Variants in NID1 observed in about 807,000 individuals in gnomAD.
NID1 encodes nidogen 1.
Under a neutral mutation model 130.6 loss-of-function variants are expected in NID1, and 76 were observed. The ratio of observed to expected loss-of-function variants is 0.58; its 90% CI spans 0.48 to 0.70. The LOEUF (loss-of-function observed/expected upper bound fraction) is 0.70, where lower values mean the gene tolerates loss of function less well. Among genes scored for constraint, NID1 ranks in the 30% least tolerant of loss-of-function variants. The pLI is 0.00. For synonymous variants in NID1, 665 were observed against 675.1 expected (o/e 0.98, Z 0.23); for missense variants, 1,517 against 1,664.8 (o/e 0.91, Z 1.54).
intron 1 of NID1, 56 bp downstream of exon 1, chr1:236,064,798 CG>C (rs1167025139): frequency 1.3e-6 from 2 of 1,511,892 alleles, no homozygotes; most frequent in Non-Finnish European, 1.8e-6. Flanking sequence ...GCTCCACGGG[CG>C]CCCCCGGCCC....
rs563184998 is a variant in NID1 at position 236,053,121 on chromosome 1, G to A, written c.226-4132C>T. Among the ~76,000 whole-genome samples the A allele has an allele frequency of 5.3e-5, 8 of 152,276 alleles. No individual in the cohort carries two copies. In the South Asian group the frequency reaches 1.7e-3, roughly 32 times the overall value. On this transcript the variant is annotated intron_variant, in intron 1 of 19. Transcript: ENST00000264187. ...CCCTGATTGAACCCACTACCATCAT[G>A]ACCTCCATTATTCACTGATTCATCA... is the stretch of plus-strand genomic sequence containing the variant.
rs1189264060 is a variant in NID1, at chr1:236,045,687, T to C, written c.526-4A>G. 2 of 1,600,478 alleles carry C rather than the reference T, an allele frequency of 1.2e-6. No individual in the cohort carries two copies. The highest frequency in any genetic ancestry group is 1.1e-5 in the South Asian group (1 of 88,860). ...GAACAGCCTGGAACGTGTTTCTCTG[T>C]GAAGATGAGTTAAAATTCAGTTACT... On this transcript the variant is annotated splice_polypyrimidine_tract_variant and splice_region_variant and intron_variant, in intron 2 of 19. Transcript: ENST00000264187.
intron 5 of NID1, among the ~76,000 whole-genome samples, chr1:236,037,692 A>G (rs1443761232): frequency 6.6e-6 from 1 of 152,152 alleles, no homozygotes; most frequent in Non-Finnish European, 1.5e-5. Context: ...TGAGCAACAC[A>G]ACATAAAATT....
intron 12 of NID1, among the ~76,000 whole-genome samples, chr1:235,994,532 C>G (rs1196910696): frequency 6.6e-6 from 1 of 152,132 alleles, no homozygotes; most frequent in East Asian, 1.9e-4. Flanking sequence ...CAGGTGGTAG[C>G]ATGTATTAGA....
chr1:236,025,789 A>G (rs1159068762), intron 8 of NID1, 107 bp downstream of exon 8: 2 of 1,412,462 alleles, frequency 1.4e-6, no homozygotes, highest in Non-Finnish European at 1.9e-6. Flanking sequence ...ATACTTTAGC[A>G]TAATTTTCTT....
At chr1:236,005,031 G>C (rs1463525558) in intron 12 of NID1, among the ~76,000 whole-genome samples, 4 of 151,718 alleles carry the variant, frequency 2.6e-5, no homozygotes, top group Non-Finnish European at 5.9e-5. Flanking sequence ...AAAATTAGCT[G>C]GGAATGGTGG....
chr1:235,997,089 C>T (rs1205417326), intron 12 of NID1, among the ~76,000 whole-genome samples: 1 of 152,216 alleles, frequency 6.6e-6, no homozygotes, highest in Non-Finnish European at 1.5e-5. Flanking sequence ...CCGCCTCAGC[C>T]TCCCAAAGTG....
At chr1:236,064,040 C>T (rs1660119769) in intron 1 of NID1, among the ~76,000 whole-genome samples, 1 of 152,206 alleles carries the variant, frequency 6.6e-6, no homozygotes, top group Non-Finnish European at 1.5e-5. Flanking sequence ...CAGTTCCAAC[C>T]CCCTTCCCCC....
intron 5 of NID1, among the ~76,000 whole-genome samples, chr1:236,035,860 C>T (rs973964406): frequency 6.6e-6 from 1 of 152,212 alleles, no homozygotes; most frequent in Admixed American, 6.5e-5. Flanking sequence ...AAAAGGTATC[C>T]CAAGAACAAT....
chr1:236,039,966 G>C (rs1304468530), intron 4 of NID1, among the ~76,000 whole-genome samples: 1 of 152,148 alleles, frequency 6.6e-6, no homozygotes, highest in Non-Finnish European at 1.5e-5. Flanking sequence ...CTTCAACATA[G>C]GGAAATAACT....
At chr1:236,046,903 G>A (rs191145533) in intron 2 of NID1, among the ~76,000 whole-genome samples, 60 of 152,256 alleles carry the variant, frequency 3.9e-4, no homozygotes, top group Middle Eastern at 6.8e-3. Context: ...TTTTTGGAGC[G>A]GGGGAAGGGA....
chr1:236,032,895 G>A (rs1436383582), intron 5 of NID1, among the ~76,000 whole-genome samples: 6 of 152,152 alleles, frequency 3.9e-5, no homozygotes, highest in South Asian at 4.1e-4. Flanking sequence ...TGGATAGCAC[G>A]AAAGCTGTCT....
At chr1:235,985,580 A>G in intron 14 of NID1, 75 bp from the exon 15 acceptor site, 1 of 1,521,144 alleles carries the variant, frequency 6.6e-7, no homozygotes, top group Non-Finnish European at 9.0e-7. Context: ...GCGTGCCTAC[A>G]GGCATTTGGA....
intron 1 of NID1, among the ~76,000 whole-genome samples, chr1:236,056,381 T>G (rs1012273868): frequency 1.3e-5 from 2 of 152,212 alleles, no homozygotes; most frequent in Non-Finnish European, 2.9e-5. Context: ...ATTTATGGGG[T>G]ACACGTGGAG....
intron 2 of NID1, among the ~76,000 whole-genome samples, chr1:236,047,133 C>G (rs1403837889): frequency 4.0e-5 from 6 of 151,438 alleles, no homozygotes; most frequent in Admixed American, 2.6e-4. Context: ...AAAACAAAAA[C>G]AAAAAAAGTA....
At chr1:235,978,091 C>T (rs767023964) in intron 19 of NID1, 103 bp from the exon 20 acceptor site, 7 of 1,403,704 alleles carry the variant, frequency 5.0e-6, no homozygotes, top group Non-Finnish European at 5.8e-6. Flanking sequence ...CTTTTAGTTT[C>T]CTTGAAGCCA....
At chr1:235,988,883 G>A (rs1455124689) in intron 14 of NID1, among the ~76,000 whole-genome samples, 1 of 152,080 alleles carries the variant, frequency 6.6e-6, no homozygotes, top group Non-Finnish European at 1.5e-5. Flanking sequence ...GGGAGAATGG[G>A]GAGGTATTGT....
intron 4 of NID1, among the ~76,000 whole-genome samples, chr1:236,039,244 T>C (rs1005842852): frequency 1.0e-4 from 15 of 148,758 alleles, no homozygotes; most frequent in African/African-American, 3.7e-4. Context: ...ATTTTTTTAA[T>C]TTTTTATTGT....
At position 236,063,487 on chromosome 1, in the gene NID1, T is replaced by TA. The variant is rs1010319242; in HGVS notation, c.225+1367dup. 6.2e-4 allele frequency among the ~76,000 whole-genome samples: 86 copies of TA among 138,850 alleles called. 1 individual carries two copies. Among genetic ancestry groups the TA allele is most frequent in the Admixed American group, 2.0e-3 (29 of 14,340 alleles). 91.1% of individuals were successfully genotyped at this position (138,850 alleles called of 152,430 possible). A position where few individuals can be genotyped will look rare whatever the true frequency, so the allele number is the denominator to read the frequency against. Reference sequence around the variant, plus strand: ...ACTCTGTCTCAAAAAAAAAAATAAATAAATAAATAAATAAATAAAGTAAGC... The same window carrying TA: ...ACTCTGTCTCAAAAAAAAAAATAAATAAAATAAATAAATAAATAAAGTAAGC... On this transcript the variant is annotated intron_variant, in intron 1 of 19. Transcript: ENST00000264187.
Sources: gnomAD v4.1 joint callset for allele counts (sites outside exome capture counted in the v4.1 genomes callset) on GRCh38, gnomAD v4.1.1 for gene constraint, MANE v1.5 for transcripts, NCBI Gene and HGNC (gene_info 2026-07-23, HGNC 2026-07-21) for gene names.